The following ERBB4 variants were observed in gnomAD, a reference collection of about 807,000 sequenced individuals.
ERBB4 encodes the protein erb-b2 receptor tyrosine kinase 4.
A neutral mutation model predicts 158.0 loss-of-function variants in ERBB4; 42 were observed. The observed-to-expected ratio is 0.27, with a 90% CI of 0.21 to 0.34. The LOEUF is 0.34. Among genes scored for constraint, ERBB4 ranks in the 10% least tolerant of loss-of-function variants. The pLI is 1.00. For synonymous variants in ERBB4, 583 were observed against 558.7 expected (o/e 1.04, Z -0.61); for missense variants, 1,333 against 1,624.1 (o/e 0.82, Z 3.08).
intron 1 of ERBB4, among the ~76,000 whole-genome samples, chr2:212,304,453 T>A (rs948264839): frequency 2.0e-5 from 3 of 147,366 alleles, no homozygotes; most frequent in African/African-American, 7.3e-5. Flanking sequence ...GGGCAAATGG[T>A]ACTGGCTTGA....
At chr2:212,400,034 AG>A (rs1163566593) in intron 1 of ERBB4, among the ~76,000 whole-genome samples, 5 of 152,162 alleles carry the variant, frequency 3.3e-5, no homozygotes, top group Non-Finnish European at 7.4e-5. Flanking sequence ...ACTGTGAACC[AG>A]GAAGGGGAAG....
chr2:211,471,905 G>T (rs1307528692), intron 20 of ERBB4, among the ~76,000 whole-genome samples: 1 of 152,092 alleles, frequency 6.6e-6, no homozygotes, highest in African/African-American at 2.4e-5. Flanking sequence ...GACTCAAGAG[G>T]ACGAAGCAAG....
At chr2:212,408,012 G>T (rs928648479) in intron 1 of ERBB4, among the ~76,000 whole-genome samples, 2 of 151,784 alleles carry the variant, frequency 1.3e-5, no homozygotes, top group Non-Finnish European at 2.9e-5. Context: ...TTTTATTCAG[G>T]AGAATAAAAA....
chr2:212,046,432 G>A (rs1201090005), intron 2 of ERBB4, among the ~76,000 whole-genome samples: 1 of 152,144 alleles, frequency 6.6e-6, no homozygotes, highest in Non-Finnish European at 1.5e-5. Context: ...GTATTTTGCT[G>A]TTTATAAGTT....
At chr2:211,557,349 T>C (rs1026353630) in intron 20 of ERBB4, among the ~76,000 whole-genome samples, 1 of 151,816 alleles carries the variant, frequency 6.6e-6, no homozygotes, top group Non-Finnish European at 1.5e-5. Flanking sequence ...AGGGAGAAAA[T>C]TTTTGCAAAC....
At chr2:211,701,418 A>G (rs1215779729) in intron 12 of ERBB4, among the ~76,000 whole-genome samples, 1 of 152,156 alleles carries the variant, frequency 6.6e-6, no homozygotes, top group Non-Finnish European at 1.5e-5. Context: ...CCCAGGTCTT[A>G]CTTAGACCTA....
At chr2:212,536,512 G>C (rs910748476) in intron 1 of ERBB4, among the ~76,000 whole-genome samples, 18 of 152,104 alleles carry the variant, frequency 1.2e-4, no homozygotes, top group Admixed American at 5.2e-4. Flanking sequence ...AGTCACACAC[G>C]GAACAACAAT....
intron 16 of ERBB4, among the ~76,000 whole-genome samples, chr2:211,653,705 T>C (rs1337831708): frequency 1.3e-5 from 2 of 152,018 alleles, no homozygotes; most frequent in African/African-American, 4.8e-5. Context: ...GACAGTGTCT[T>C]GCTCTATCCC....
At position 211,773,636 on chromosome 2, in the gene ERBB4, AT is replaced by A. The variant is rs1284364445; in HGVS notation, c.556+14388del. On this transcript the variant is annotated intron_variant, in intron 4 of 27. Transcript: ENST00000342788. Reference sequence around the variant, plus strand: ...TATATATATATATATATATATATATATATATATATATAATATATATACACAC... The same window carrying A: ...TATATATATATATATATATATATATAATATATATATAATATATATACACAC... Among the ~76,000 whole-genome samples the A allele has an allele frequency of 1.0e-4, 9 of 90,122 alleles. No individual in the cohort carries two copies. In the South Asian group the frequency reaches 2.4e-3, roughly 24 times the overall value. 59.1% of individuals were successfully genotyped at this position (90,122 alleles called of 152,430 possible). A position where few individuals can be genotyped will look rare whatever the true frequency, so the allele number is the denominator to read the frequency against.
chr2:212,308,251 T>C (rs2086888165), intron 1 of ERBB4, among the ~76,000 whole-genome samples: 1 of 151,152 alleles, frequency 6.6e-6, no homozygotes, highest in South Asian at 2.1e-4. Context: ...TTCTGAATAT[T>C]ACCAGCCAAA....
chr2:211,617,167 T>A (rs1378607686), intron 19 of ERBB4, among the ~76,000 whole-genome samples: 3 of 152,084 alleles, frequency 2.0e-5, no homozygotes, highest in Non-Finnish European at 4.4e-5. Flanking sequence ...TCTGTTTCCA[T>A]GGAAATATGA....
chr2:212,003,353 A>AT (rs1305552390), intron 2 of ERBB4, among the ~76,000 whole-genome samples: 1 of 151,738 alleles, frequency 6.6e-6, no homozygotes, highest in Non-Finnish European at 1.5e-5. Context: ...TGAAAAGCAA[A>AT]TAATGATTTG....
chr2:211,721,479 A>T (rs4672623), intron 7 of ERBB4, among the ~76,000 whole-genome samples: 37,971 of 137,244 alleles, frequency 0.28, 5,966 homozygotes, highest in South Asian at 0.52. Context: ...AGTCAAGTAA[A>T]TATCAATATA....
At chr2:211,388,825 A>G (rs1044113095) in intron 25 of ERBB4, among the ~76,000 whole-genome samples, 2 of 152,206 alleles carry the variant, frequency 1.3e-5, no homozygotes, top group Non-Finnish European at 2.9e-5. Context: ...GAGTTGTATA[A>G]TACTAATTCT....
chr2:211,938,071 C>T (rs1035265417), intron 3 of ERBB4, among the ~76,000 whole-genome samples: 1 of 152,108 alleles, frequency 6.6e-6, no homozygotes, highest in Non-Finnish European at 1.5e-5. Flanking sequence ...ATGACACATT[C>T]TGTATTCTAC....
intron 1 of ERBB4, among the ~76,000 whole-genome samples, chr2:212,302,077 C>T (rs1396045530): frequency 6.6e-6 from 1 of 151,370 alleles, no homozygotes. Context: ...GGAATATCAT[C>T]TGATTTAAAT....
At chr2:211,908,594 C>T (rs1016456940) in intron 3 of ERBB4, among the ~76,000 whole-genome samples, 7 of 151,662 alleles carry the variant, frequency 4.6e-5, no homozygotes, top group African/African-American at 1.2e-4. Context: ...GCCATGATTC[C>T]GAACACCCAC....
chr2:212,163,602 T>C (rs1391491244), intron 1 of ERBB4, among the ~76,000 whole-genome samples: 1 of 152,090 alleles, frequency 6.6e-6, no homozygotes, highest in Non-Finnish European at 1.5e-5. Flanking sequence ...TCATGTCAGC[T>C]AATATAATTT....
At chr2:212,094,263 A>T (rs1199269407) in intron 2 of ERBB4, among the ~76,000 whole-genome samples, 6 of 149,862 alleles carry the variant, frequency 4.0e-5, no homozygotes, top group Admixed American at 2.7e-4. Context: ...TAATAATAAA[A>T]AATAATAATA....
Sources: allele counts gnomAD v4.1 joint callset (sites outside exome capture counted in the v4.1 genomes callset), GRCh38; gene constraint gnomAD v4.1.1; transcripts MANE v1.5; gene names NCBI Gene and HGNC (gene_info 2026-07-23, HGNC 2026-07-21).